NAA15: variants seen among roughly 807,000 people sequenced by gnomAD.
NAA15 encodes the protein N-alpha-acetyltransferase 15, NatA auxiliary subunit, also known as N-terminal acetyltransferase.
NAA15 carries 34 observed loss-of-function variants against 114.0 expected under a neutral mutation model. The ratio of observed to expected loss-of-function variants is 0.30; its 90% CI spans 0.23 to 0.40. NAA15 has a LOEUF of 0.40. NAA15 is among the 10% of genes least tolerant of loss of function. The pLI is 1.00. For synonymous variants in NAA15, 340 were observed against 338.0 expected (o/e 1.01, Z -0.06); for missense variants, 658 against 1,004.5 (o/e 0.66, Z 4.66).
chr4:139,346,801 G>A (rs1029753937), intron 6 of NAA15, among the ~76,000 whole-genome samples: 1 of 152,094 alleles, frequency 6.6e-6, no homozygotes, highest in Non-Finnish European at 1.5e-5. Flanking sequence ...GATTATAGGC[G>A]TGAGCCACCG....
chr4:139,303,837 G>A (rs1481224250), intron 1 of NAA15, among the ~76,000 whole-genome samples: 3 of 152,226 alleles, frequency 2.0e-5, no homozygotes, highest in African/African-American at 7.2e-5. Context: ...TAAGGACATC[G>A]TCTTGTATAC....
At position 139,370,192 on chromosome 4, in the gene NAA15, ATTAAC is replaced by A. The variant is rs1403547608; in HGVS notation, c.1754-15_1754-11del. On this transcript the variant is annotated splice_polypyrimidine_tract_variant and intron_variant, in intron 14 of 19. Coordinates refer to ENST00000296543, the MANE Select transcript of NAA15 (RefSeq NM_057175.5). Reference sequence around the variant, plus strand: ...ATTAACATGCTTGTTAATTTTATTAATTAACTTATTGCCTGCAGCAAACATGTCTG... The same window carrying A: ...ATTAACATGCTTGTTAATTTTATTAATTATTGCCTGCAGCAAACATGTCTG... The A allele has an allele frequency of 1.4e-6, 2 of 1,479,580 alleles. No homozygotes were observed. The highest frequency in any genetic ancestry group is 2.9e-5 in the South Asian group (2 of 69,644). 91.7% of individuals were successfully genotyped at this position (1,479,580 alleles called of 1,614,324 possible).
intron 11 of NAA15, among the ~76,000 whole-genome samples, chr4:139,359,070 A>ACTCTAGTCTGGGT (rs1239982527): frequency 1.3e-5 from 2 of 151,234 alleles, no homozygotes; most frequent in African/African-American, 2.4e-5. Flanking sequence ...GTGCCACTGT[A>ACTCTAGTCTGGGT]CTCTAGTCTG....
intron 16 of NAA15, 55 bp from the exon 17 acceptor site, chr4:139,378,701 C>T: frequency 8.8e-7 from 1 of 1,131,028 alleles, no homozygotes; most frequent in Non-Finnish European, 1.3e-6. Context: ...CTTGGCCCTC[C>T]AAAGGAGGCC....
chr4:139,367,637 A>G (rs1166907024), intron 14 of NAA15, among the ~76,000 whole-genome samples: 1 of 152,206 alleles, frequency 6.6e-6, no homozygotes, highest in Non-Finnish European at 1.5e-5. Flanking sequence ...GCCTTTCTTC[A>G]GACTAAATAG....
Position 139,343,488 on chromosome 4 carries a change from G to A in NAA15, c.537+528G>A, listed in dbSNP as rs76490451. Among the ~76,000 whole-genome samples the A allele has an allele frequency of 3.4e-3, 510 of 151,970 alleles. 4 individuals are homozygous for A. The highest frequency in any genetic ancestry group is 0.011 in the African/African-American group (473 of 41,518). ...ATTTCTCTTCAGCCTCTTTTAATCTGAAACAGTTTTGAAAACTTCCTTTGT... is the reference window on the plus strand; with the variant it reads ...ATTTCTCTTCAGCCTCTTTTAATCTAAAACAGTTTTGAAAACTTCCTTTGT... On this transcript the variant is annotated intron_variant, in intron 5 of 19. Transcript: ENST00000296543.
At chr4:139,352,963 T>C (rs1747831056) in intron 9 of NAA15, among the ~76,000 whole-genome samples, 1 of 152,282 alleles carries the variant, frequency 6.6e-6, no homozygotes, top group South Asian at 2.1e-4. Context: ...CCACCATGCC[T>C]GGCCAAGTAG....
chr4:139,385,300 A>ATATATATAAT (rs397699538), intron 18 of NAA15, among the ~76,000 whole-genome samples: 2 of 90,184 alleles, frequency 2.2e-5, no homozygotes, highest in Admixed American at 9.7e-5. Flanking sequence ...ATATATATAT[A>ATATATATAAT]ATATATATTA....
chr4:139,364,352 T>C (rs1017178328), intron 14 of NAA15, among the ~76,000 whole-genome samples: 1 of 152,136 alleles, frequency 6.6e-6, no homozygotes, highest in Non-Finnish European at 1.5e-5. Context: ...TTAAAATATA[T>C]TTATGAATAT....
rs780286609 is a variant in NAA15 at position 139,349,557 on chromosome 4, G to T, written c.787G>T (p.Gly263Cys). Residue 263 changes from glycine (G) to cysteine (C), a missense_variant, in exon 7 of 20, where the codon GGC becomes TGC. Around this residue, in one of 6 missense-constraint regions of NAA15, gnomAD observed 281 missense variants for 389.1 expected, o/e 0.72. Transcript: ENST00000296543. ...RNPENWAYYKGLEKALKPANM... is the reference protein window; with the variant it reads ...RNPENWAYYKCLEKALKPANM... ...TCCTGAAAACTGGGCCTATTACAAA[G>T]GCTTGGAAAAAGCACTCAAGCCAGG... The T allele has an allele frequency of 1.9e-6, 3 of 1,610,050 alleles. No homozygotes were observed. The East Asian group carries it at 6.7e-5, about 36-fold the overall frequency.
rs547946962 is a variant in NAA15 at position 139,351,454 on chromosome 4, T to C, written c.908-51T>C. On this transcript the variant is annotated intron_variant, in intron 8 of 19. Coordinates refer to ENST00000296543, the MANE Select transcript of NAA15 (RefSeq NM_057175.5). The stretch of plus-strand genomic sequence containing the variant: ...AAATGTAAGTAAATACTTTGGTAAA[T>C]GTAAGTAAATACTTGATAAATATAA... 5.1e-6 allele frequency: 6 copies of C among 1,184,332 alleles called. No individual in the cohort carries two copies. In the East Asian group the frequency reaches 1.4e-4, roughly 28 times the overall value. 73.4% of individuals were successfully genotyped at this position (1,184,332 alleles called of 1,614,324 possible).
intron 10 of NAA15, among the ~76,000 whole-genome samples, chr4:139,354,571 T>C (rs1387332025): frequency 1.3e-5 from 2 of 152,186 alleles, no homozygotes; most frequent in African/African-American, 4.8e-5. Flanking sequence ...AGTGTTGAGA[T>C]TATAGGCATG....
rs1201819091 is a variant in NAA15, at chr4:139,359,825, A to T, written c.1340A>T (p.Lys447Ile). 1.2e-6 allele frequency: 2 copies of T among 1,607,738 alleles called. No homozygotes were observed. The change falls in exon 12 of 20, where the codon AAA becomes ATA. Residue 447 changes from lysine to isoleucine, a missense_variant. Physicochemically the swap from Lys to Ile is moderately radical, Grantham distance 102. Around this residue, in one of 6 missense-constraint regions of NAA15, gnomAD observed 281 missense variants for 389.1 expected, o/e 0.72. Transcript: ENST00000296543. ...ACAGCAGACAGATTTATCAACTCCA[A>T]ATGTGCAAAATACATGCTAAAAGCC... ...LDTADRFINSKCAKYMLKANL... is the reference protein window; with the variant it reads ...LDTADRFINSICAKYMLKANL...
intron 6 of NAA15, 54 bp downstream of exon 6, chr4:139,344,393 G>C (rs1747511449): frequency 6.8e-7 from 1 of 1,462,438 alleles, no homozygotes; most frequent in Non-Finnish European, 9.3e-7. Context: ...ACAGAGCAAG[G>C]CTGAAAAATC....
At chr4:139,323,463 G>A (rs1182348385) in intron 1 of NAA15, among the ~76,000 whole-genome samples, 1 of 151,982 alleles carries the variant, frequency 6.6e-6, no homozygotes, top group Non-Finnish European at 1.5e-5. Context: ...CAAAGTGCTG[G>A]GATTACAGGC....
intron 1 of NAA15, 71 bp downstream of exon 1, chr4:139,301,902 G>T: frequency 6.7e-7 from 1 of 1,500,090 alleles, no homozygotes; most frequent in Non-Finnish European, 9.0e-7. Context: ...CCCTAACCTC[G>T]GCCCGGCGGG....
Position 139,340,460 on chromosome 4 carries a change from A to G in NAA15, c.245-452A>G, listed in dbSNP as rs543915346. Among the ~76,000 whole-genome samples, 63 of 152,344 alleles carry G rather than the reference A, an allele frequency of 4.1e-4. 1 individual carries two copies. In the South Asian group the frequency reaches 9.3e-3, roughly 23 times the overall value. ...GTTAGTTCAAGAAAATAAAATCTTC[A>G]TGACTTTACATAACTGGATTCCATG... On this transcript the variant is annotated intron_variant, in intron 3 of 19. Transcript: ENST00000296543.
intron 1 of NAA15, among the ~76,000 whole-genome samples, chr4:139,307,547 G>T (rs1487350564): frequency 6.6e-6 from 1 of 152,228 alleles, no homozygotes; most frequent in Admixed American, 6.5e-5. Flanking sequence ...GATTACAGAT[G>T]TGAGCTACTG....
intron 1 of NAA15, among the ~76,000 whole-genome samples, chr4:139,312,658 A>G (rs886347284): frequency 4.6e-5 from 7 of 151,782 alleles, no homozygotes; most frequent in Non-Finnish European, 8.8e-5. Flanking sequence ...AGCCTGGGCA[A>G]CATAGCAAGG....
Sources: gnomAD v4.1 joint callset for allele counts (sites outside exome capture counted in the v4.1 genomes callset) on GRCh38, gnomAD v4.1.1 for gene constraint, gnomAD v4.1.1 regional missense constraint, MANE v1.5 for transcripts, NCBI Gene and HGNC (gene_info 2026-07-23, HGNC 2026-07-21) for gene names.